Variants in SOX6 observed in about 807,000 individuals in gnomAD.
The protein encoded by SOX6 is SRY-box transcription factor 6.
In SOX6, 11 loss-of-function variants were observed where a neutral mutation model predicts 97.8. The observed-to-expected ratio is 0.11, with a 90% confidence interval of 0.07 to 0.19. SOX6 has a LOEUF of 0.19. Ranked by LOEUF, SOX6 falls within the 10% of genes least tolerant of loss-of-function variation. The pLI, the probability that SOX6 is intolerant of heterozygous loss-of-function variation, is 1.00. For missense variants in SOX6, 810 were observed against 1,039.5 expected (o/e 0.78, Z 3.04); for synonymous variants, 360 against 371.4 (o/e 0.97, Z 0.35).
chr11:16,123,615 C>G (rs1849543785), intron 6 of SOX6, among the ~76,000 whole-genome samples: 1 of 152,010 alleles, frequency 6.6e-6, no homozygotes, highest in South Asian at 2.1e-4. Flanking sequence ...TAATGACATG[C>G]ACAGTAATGT....
chr11:16,035,606 A>G (rs2133891385), intron 12 of SOX6, among the ~76,000 whole-genome samples: 1 of 152,330 alleles, frequency 6.6e-6, no homozygotes, highest in South Asian at 2.1e-4. Flanking sequence ...TCTTTAGGGA[A>G]CTAAATATTT....
chr11:16,364,186 A>T (rs562382156), intron 1 of SOX6, among the ~76,000 whole-genome samples: 3 of 152,262 alleles, frequency 2.0e-5, no homozygotes, highest in Non-Finnish European at 2.9e-5. Flanking sequence ...CAGCTTCTGA[A>T]CCAAGATCCT....
chr11:16,737,176 C>T (rs1251339746), intron 1 of SOX6, among the ~76,000 whole-genome samples: 1 of 152,120 alleles, frequency 6.6e-6, no homozygotes, highest in African/African-American at 2.4e-5. Context: ...TCTGAAACAG[C>T]AGATATGTAT....
chr11:16,102,322 A>G (rs1341166777), intron 7 of SOX6, among the ~76,000 whole-genome samples: 1 of 151,926 alleles, frequency 6.6e-6, no homozygotes, highest in Non-Finnish European at 1.5e-5. Context: ...TACCTAACTA[A>G]AGATGTGAAA....
At chr11:16,260,593 G>A (rs917095333) in intron 3 of SOX6, among the ~76,000 whole-genome samples, 2 of 152,048 alleles carry the variant, frequency 1.3e-5, no homozygotes, top group African/African-American at 2.4e-5. Context: ...AAAAATATAT[G>A]TATTTTTGTC....
intron 2 of SOX6, among the ~76,000 whole-genome samples, chr11:16,340,268 T>C (rs1856588375): frequency 6.6e-6 from 1 of 152,082 alleles, no homozygotes; most frequent in African/African-American, 2.4e-5. Context: ...GGTTTAAAAC[T>C]TCTAATCTAA....
At chr11:16,000,466 A>C (rs1423420629) in intron 13 of SOX6, among the ~76,000 whole-genome samples, 2 of 152,234 alleles carry the variant, frequency 1.3e-5, no homozygotes, top group Non-Finnish European at 2.9e-5. Context: ...TTCTTCTGAG[A>C]TAGTGATTGT....
intron 3 of SOX6, chr11:16,318,045 A>G: frequency 2.4e-6 from 1 of 414,352 alleles, no homozygotes; most frequent in African/African-American, 2.1e-5. Flanking sequence ...AAAAATGAAG[A>G]GAAATATTTT....
At chr11:16,570,139 C>T (rs1847922100) in intron 4 of SOX6, among the ~76,000 whole-genome samples, 1 of 152,096 alleles carries the variant, frequency 6.6e-6, no homozygotes, top group Non-Finnish European at 1.5e-5. Context: ...ATTCCTATGA[C>T]TGAATTTATT....
intron 7 of SOX6, among the ~76,000 whole-genome samples, chr11:16,108,038 A>T (rs1464705382): frequency 6.6e-6 from 1 of 152,178 alleles, no homozygotes; most frequent in Non-Finnish European, 1.5e-5. Flanking sequence ...TTTAATTTTC[A>T]CGTCCACGTT....
In SOX6 at chr11:16,111,846, G is replaced by GGCA. The variant is rs1350619888; in HGVS notation, c.852_854dup (p.Ala285dup). On this transcript the variant is annotated inframe_insertion, in exon 7 of 16. Coordinates refer to ENST00000683767, the MANE Select transcript of SOX6 (RefSeq NM_001367873.1). ...CAGGGGGGAAGAGGAATCCCTGTTG[G>GGCA]GCAGCAGCAGCTGCTGCCAGAGTCC... The GGCA allele has an allele frequency of 1.2e-6, 2 of 1,612,648 alleles. No individual in the cohort carries two copies. The highest frequency in any genetic ancestry group is 2.7e-5 in the African/African-American group (2 of 74,824).
chr11:16,513,978 A>G (rs1193183598), intron 4 of SOX6, among the ~76,000 whole-genome samples: 1 of 152,068 alleles, frequency 6.6e-6, no homozygotes, highest in Non-Finnish European at 1.5e-5. Flanking sequence ...TGGGAGGCCA[A>G]TGCGGGAGAA....
chr11:16,573,701 A>C (rs1412576907), intron 4 of SOX6, among the ~76,000 whole-genome samples: 1 of 152,212 alleles, frequency 6.6e-6, no homozygotes, highest in Non-Finnish European at 1.5e-5. Flanking sequence ...TTTTTAACCT[A>C]TTAACCAATT....
intron 13 of SOX6, among the ~76,000 whole-genome samples, chr11:16,001,051 G>C (rs1014821725): frequency 6.6e-6 from 1 of 151,736 alleles, no homozygotes; most frequent in African/African-American, 2.4e-5. Context: ...TTTTAGTAGA[G>C]ACAGGGTTTC....
chr11:16,681,430 T>C (rs1847926661), intron 3 of SOX6, among the ~76,000 whole-genome samples: 1 of 152,080 alleles, frequency 6.6e-6, no homozygotes, highest in Non-Finnish European at 1.5e-5. Context: ...AGACACAACA[T>C]ACCAGAATCT....
chr11:16,640,157 A>G (rs1167606213), intron 3 of SOX6, among the ~76,000 whole-genome samples: 3 of 152,294 alleles, frequency 2.0e-5, no homozygotes, highest in African/African-American at 2.4e-5. Flanking sequence ...TTCTGCATCT[A>G]TAGAGATTAT....
chr11:16,476,744 G>T (rs1189468154), upstream of SOX6, among the ~76,000 whole-genome samples: 1 of 152,172 alleles, frequency 6.6e-6, no homozygotes, highest in Non-Finnish European at 1.5e-5. Flanking sequence ...TCTGCAAGTT[G>T]AAATGAATTA....
intron 4 of SOX6, among the ~76,000 whole-genome samples, chr11:16,594,338 TACAA>T (rs1481172547): frequency 5.3e-5 from 8 of 152,282 alleles, no homozygotes; most frequent in African/African-American, 1.9e-4. Context: ...ATACAAAAAC[TACAA>T]ATGGACGCAT....
chr11:16,623,384 A>G (rs1298301836), intron 3 of SOX6, among the ~76,000 whole-genome samples: 2 of 151,442 alleles, frequency 1.3e-5, no homozygotes, highest in African/African-American at 4.8e-5. Flanking sequence ...TTGTCTATTC[A>G]TGTCCTTAGG....
Sources: allele counts gnomAD v4.1 joint callset (sites outside exome capture counted in the v4.1 genomes callset), GRCh38; gene constraint gnomAD v4.1.1; transcripts MANE v1.5; gene names NCBI Gene and HGNC (gene_info 2026-07-23, HGNC 2026-07-21).